EGFR: variants seen among roughly 807,000 people sequenced by gnomAD.
EGFR encodes avian erythroblastic leukemia viral (v-erb-b) oncogene homolog.
In EGFR, 58 loss-of-function variants were observed where a neutral mutation model predicts 143.0. The ratio of observed to expected loss-of-function variants is 0.41; its 90% CI spans 0.33 to 0.50. EGFR has a LOEUF of 0.50. EGFR is among the 20% of genes least tolerant of loss of function. EGFR has a pLI of 0.39. For synonymous variants in EGFR, 613 were observed against 594.4 expected, an observed-to-expected ratio of 1.03 and a Z score of -0.45; for missense variants, 1,307 against 1,579.0, an observed-to-expected ratio of 0.83 and a Z score of 2.92.
intron 1 of EGFR, among the ~76,000 whole-genome samples, chr7:55,091,886 A>C (rs898749628): frequency 1.0e-5 from 1 of 97,168 alleles, no homozygotes; most frequent in Non-Finnish European, 2.2e-5. Context: ...ACACACACAC[A>C]CACACCCTGA....
intron 1 of EGFR, among the ~76,000 whole-genome samples, chr7:55,135,918 T>C (rs1794113833): frequency 6.6e-6 from 1 of 152,210 alleles, no homozygotes; most frequent in African/African-American, 2.4e-5. Context: ...TTTTTAAATT[T>C]TTGGTAATTT....
intron 1 of EGFR, among the ~76,000 whole-genome samples, chr7:55,110,128 C>T (rs1215614224): frequency 6.6e-6 from 1 of 151,750 alleles, no homozygotes; most frequent in African/African-American, 2.4e-5. Context: ...AAGTTTTGAG[C>T]TTTTTTTTAA....
chr7:55,191,603 C>A (rs2128964109), intron 20 of EGFR, 116 bp from the exon 21 acceptor site: 1 of 1,404,932 alleles, frequency 7.1e-7, no homozygotes, highest in Non-Finnish European at 9.9e-7. Context: ...GTTCGCCAGC[C>A]ATAAGTCCTC....
At chr7:55,038,728 CTGTGTGTGTGTGTGTA>C (rs909923011) in intron 1 of EGFR, among the ~76,000 whole-genome samples, 2 of 139,940 alleles carry the variant, frequency 1.4e-5, no homozygotes, top group African/African-American at 5.3e-5. Context: ...ATCAGTCCTC[CTGTGTGTGTGTGTGTA>C]TGTGTGTGTG....
rs112336528 is a variant in EGFR, at chr7:55,205,764, G to A, written c.*147G>A. Reference sequence around the variant, plus strand: ...TGCAACGTTTACACCGACTAGCCAGGAAGTACTTCCACCTCGGGCACATTT... The same window carrying A: ...TGCAACGTTTACACCGACTAGCCAGAAAGTACTTCCACCTCGGGCACATTT... On this transcript the variant is annotated 3_prime_UTR_variant, in exon 28 of 28. Transcript: ENST00000275493. 7 of 1,274,734 alleles carry A rather than the reference G, an allele frequency of 5.5e-6. No individual in the cohort carries two copies. Among genetic ancestry groups the A allele is most frequent in the Non-Finnish European group, 7.8e-6 (7 of 901,218 alleles). 79.0% of individuals were successfully genotyped at this position (1,274,734 alleles called of 1,614,324 possible).
intron 1 of EGFR, among the ~76,000 whole-genome samples, chr7:55,108,636 G>A (rs903179122): frequency 9.2e-5 from 14 of 152,216 alleles, no homozygotes; most frequent in African/African-American, 3.4e-4. Flanking sequence ...CATGACAGGA[G>A]AGATGGGGAA....
chr7:55,098,474 C>T (rs546868677), intron 1 of EGFR, among the ~76,000 whole-genome samples: 1 of 152,172 alleles, frequency 6.6e-6, no homozygotes, highest in African/African-American at 2.4e-5. Flanking sequence ...CTTTAAAAAA[C>T]TTTACTATAT....
At chr7:55,136,800 G>A (rs1046393262) in intron 1 of EGFR, among the ~76,000 whole-genome samples, 5 of 152,200 alleles carry the variant, frequency 3.3e-5, no homozygotes, top group African/African-American at 1.2e-4. Flanking sequence ...CAATCAAGAG[G>A]CTAAACAGCT....
At chr7:55,084,784 C>G (rs550023548) in intron 1 of EGFR, among the ~76,000 whole-genome samples, 9 of 152,248 alleles carry the variant, frequency 5.9e-5, no homozygotes, top group African/African-American at 2.2e-4. Context: ...ATTTAAAGGG[C>G]TTTTATTAGG....
intron 1 of EGFR, among the ~76,000 whole-genome samples, chr7:55,074,021 G>T (rs78668659): frequency 6.6e-6 from 1 of 152,190 alleles, no homozygotes; most frequent in Non-Finnish European, 1.5e-5. Context: ...TGGAGAGGGC[G>T]AGGCCCATGG....
chr7:55,156,224 G>A (rs1226892852), intron 8 of EGFR, among the ~76,000 whole-genome samples: 3 of 152,188 alleles, frequency 2.0e-5, no homozygotes, highest in Non-Finnish European at 4.4e-5. Flanking sequence ...AGGGAAGGCA[G>A]AGCTGGAAGC....
intron 1 of EGFR, among the ~76,000 whole-genome samples, chr7:55,063,676 G>C (rs1446308100): frequency 1.3e-5 from 2 of 152,144 alleles, no homozygotes; most frequent in Non-Finnish European, 2.9e-5. Flanking sequence ...GACGTCATGG[G>C]CATGGACGTA....
chr7:55,051,759 T>A (rs1413557268), intron 1 of EGFR, among the ~76,000 whole-genome samples: 2 of 152,132 alleles, frequency 1.3e-5, no homozygotes, highest in African/African-American at 4.8e-5. Context: ...CCTCAGCTAC[T>A]CTCCAGGGTC....
intron 3 of EGFR, among the ~76,000 whole-genome samples, chr7:55,143,937 G>A (rs1794613921): frequency 6.6e-6 from 1 of 152,208 alleles, no homozygotes; most frequent in Admixed American, 6.5e-5. Context: ...CCCTGTGTAA[G>A]TTAAGGATAG....
At chr7:55,054,456 C>T (rs148884868) in intron 1 of EGFR, among the ~76,000 whole-genome samples, 1 of 152,380 alleles carries the variant, frequency 6.6e-6, no homozygotes, top group East Asian at 1.9e-4. Flanking sequence ...GAGCACTGCT[C>T]TAACTTGGCC....
At chr7:55,025,794 A>G (rs554066230) in intron 1 of EGFR, among the ~76,000 whole-genome samples, 14 of 152,332 alleles carry the variant, frequency 9.2e-5, no homozygotes, top group African/African-American at 2.9e-4. Flanking sequence ...TGAGGCTGCT[A>G]TAGTCAGCAG....
At chr7:55,070,356 T>A (rs2128883410) in intron 1 of EGFR, among the ~76,000 whole-genome samples, 1 of 152,312 alleles carries the variant, frequency 6.6e-6, no homozygotes, top group South Asian at 2.1e-4. Context: ...TCACAAAAAA[T>A]CACTAACTTT....
intron 1 of EGFR, among the ~76,000 whole-genome samples, chr7:55,107,765 A>G (rs1346931364): frequency 6.6e-6 from 1 of 152,252 alleles, no homozygotes; most frequent in Non-Finnish European, 1.5e-5. Flanking sequence ...CCTATATGCT[A>G]TATAGAGTTT....
At chr7:55,174,898 C>G (rs563500021) in intron 19 of EGFR, 78 bp downstream of exon 19, 143 of 1,114,588 alleles carry the variant, frequency 1.3e-4, no homozygotes, top group Non-Finnish European at 1.9e-4. Flanking sequence ...GGCAGCTGCT[C>G]TGCTCTAGAC....
Sources: gnomAD v4.1 joint callset for allele counts (sites outside exome capture counted in the v4.1 genomes callset) on GRCh38, gnomAD v4.1.1 for gene constraint, MANE v1.5 for transcripts, NCBI Gene and HGNC (gene_info 2026-07-23, HGNC 2026-07-21) for gene names.